Variants in UNC5C observed in about 807,000 individuals in gnomAD.
UNC5C encodes the protein netrin receptor UNC5C.
A neutral mutation model predicts 99.8 loss-of-function variants in UNC5C; 47 were observed. The observed-to-expected ratio is 0.47, with a 90% confidence interval of 0.37 to 0.60. UNC5C has a LOEUF of 0.60. UNC5C is among the 20% of genes least tolerant of loss of function. UNC5C has a pLI of 0.00. For missense variants in UNC5C, 1,062 were observed against 1,165.9 expected, an observed-to-expected ratio of 0.91 and a Z score of 1.30; for synonymous variants, 487 against 452.2, an observed-to-expected ratio of 1.08 and a Z score of -0.98.
At chr4:95,483,253 C>T (rs2149478771) in intron 1 of UNC5C, among the ~76,000 whole-genome samples, 1 of 151,802 alleles carries the variant, frequency 6.6e-6, no homozygotes, top group South Asian at 2.1e-4. Context: ...CCTTCTTTGA[C>T]AGTTCACCTC....
chr4:95,398,676 C>G (rs1745596719), intron 1 of UNC5C, among the ~76,000 whole-genome samples: 1 of 152,098 alleles, frequency 6.6e-6, no homozygotes. Flanking sequence ...GTCTAGAAGA[C>G]AATAGGGCAT....
At chr4:95,545,203 A>G (rs1723025754) in intron 1 of UNC5C, among the ~76,000 whole-genome samples, 1 of 152,188 alleles carries the variant, frequency 6.6e-6, no homozygotes, top group Non-Finnish European at 1.5e-5. Flanking sequence ...CTTTACCCTC[A>G]GTATCCAGAA....
At chr4:95,330,847 A>C (rs953068832) in intron 2 of UNC5C, among the ~76,000 whole-genome samples, 6 of 152,020 alleles carry the variant, frequency 3.9e-5, no homozygotes, top group Non-Finnish European at 7.4e-5. Flanking sequence ...TATGGGATAT[A>C]AGTATAATTT....
At chr4:95,433,010 C>G (rs4428296) in intron 1 of UNC5C, among the ~76,000 whole-genome samples, 4 of 151,916 alleles carry the variant, frequency 2.6e-5, no homozygotes, top group African/African-American at 9.7e-5. Flanking sequence ...ATGTCAGTTA[C>G]GTCAACCACA....
chr4:95,419,510 C>T (rs1746260073), intron 1 of UNC5C, among the ~76,000 whole-genome samples: 1 of 152,134 alleles, frequency 6.6e-6, no homozygotes, highest in Admixed American at 6.5e-5. Context: ...ATTGTGTTCC[C>T]TCCAACTTCA....
intron 2 of UNC5C, among the ~76,000 whole-genome samples, chr4:95,323,760 A>C (rs755486269): frequency 6.6e-6 from 1 of 152,174 alleles, no homozygotes; most frequent in Non-Finnish European, 1.5e-5. Flanking sequence ...TTTTCGGGTC[A>C]GGTGCGGTGG....
rs1579269134 is a variant in UNC5C at position 95,252,647 on chromosome 4, A to G, written c.595-1980T>C. ...ATTGACACTATTATAAATGGAGCAT[A>G]CCTAATCCAAAAATCTGGAATCTGA... On this transcript the variant is annotated intron_variant, in intron 4 of 15. Coordinates refer to ENST00000453304, the MANE Select transcript of UNC5C (RefSeq NM_003728.4). 3.3e-5 allele frequency among the ~76,000 whole-genome samples: 5 copies of G among 152,214 alleles called. No homozygotes were observed. The South Asian group carries it at 1.0e-3, about 31-fold the overall frequency.
chr4:95,467,822 T>G (rs560783171), intron 1 of UNC5C, among the ~76,000 whole-genome samples: 1 of 152,316 alleles, frequency 6.6e-6, no homozygotes, highest in South Asian at 2.1e-4. Flanking sequence ...AATTAACACA[T>G]ATATTGTATG....
intron 1 of UNC5C, among the ~76,000 whole-genome samples, chr4:95,418,921 C>T (rs182572120): frequency 1.9e-3 from 288 of 152,202 alleles, no homozygotes; most frequent in African/African-American, 6.6e-3. Flanking sequence ...CCTCCTGCCC[C>T]GACTTCAGAA....
chr4:95,176,963 C>T (rs9992708), intron 14 of UNC5C, among the ~76,000 whole-genome samples: 2,979 of 124,108 alleles, frequency 0.024, 106 homozygotes, highest in African/African-American at 0.075. Flanking sequence ...TTTTTAAGCC[C>T]GTGGGAAAAG....
chr4:95,342,715 A>G (rs1003657341), intron 1 of UNC5C, among the ~76,000 whole-genome samples: 1 of 152,020 alleles, frequency 6.6e-6, no homozygotes, highest in African/African-American at 2.4e-5. Context: ...AGAGCACCAC[A>G]TGAATCCCTT....
rs543788305 is a variant in UNC5C at position 95,450,285 on chromosome 4, T to C, written c.124+98449A>G. ...AGAGTGCAGTAGCACAATCATAGGT[T>C]CATAGCTCACTGAGGCCTCAAGCTC... On this transcript the variant is annotated intron_variant, in intron 1 of 15. Transcript: ENST00000453304. Among the ~76,000 whole-genome samples, 13 of 152,284 alleles carry C rather than the reference T, an allele frequency of 8.5e-5. No homozygotes were observed. In the South Asian group the frequency reaches 2.7e-3, roughly 32 times the overall value.
At chr4:95,522,737 A>G (rs1180785716) in intron 1 of UNC5C, among the ~76,000 whole-genome samples, 1 of 152,152 alleles carries the variant, frequency 6.6e-6, no homozygotes. Flanking sequence ...AATCATTACA[A>G]TATTTTAATC....
At chr4:95,372,131 A>G (rs1744766476) in intron 1 of UNC5C, among the ~76,000 whole-genome samples, 1 of 152,124 alleles carries the variant, frequency 6.6e-6, no homozygotes, top group Non-Finnish European at 1.5e-5. Flanking sequence ...GAGCTTCCTA[A>G]GAGGAATTGC....
intron 1 of UNC5C, among the ~76,000 whole-genome samples, chr4:95,486,621 A>C (rs6834411): frequency 6.6e-6 from 1 of 151,346 alleles, no homozygotes; most frequent in Non-Finnish European, 1.5e-5. Flanking sequence ...AACTGCTACC[A>C]GAGTTATTAT....
rs1332255563 is a variant in UNC5C at position 95,164,930 on chromosome 4, GCCCCATAGGGGC to G, written c.*4292_*4303del. On this transcript the variant is annotated 3_prime_UTR_variant, in exon 16 of 16. Transcript: ENST00000453304. Reference sequence around the variant, plus strand: ...CCTTATATAGGTTTATATTTTCCTGGCCCCATAGGGGCAGACCTTATAGAGGCAAAGACCTTT... The same window carrying G: ...CCTTATATAGGTTTATATTTTCCTGGAGACCTTATAGAGGCAAAGACCTTT... The G allele has an allele frequency of 6.6e-6, 1 of 152,182 alleles. No individual in the cohort carries two copies. The highest frequency in any genetic ancestry group is 2.4e-5 in the African/African-American group (1 of 41,436). The allele number at this position is 152,182 out of a possible 1,614,324, so 9.4% of individuals were successfully genotyped here.
At chr4:95,394,849 C>G (rs994728356) in intron 1 of UNC5C, among the ~76,000 whole-genome samples, 15 of 151,946 alleles carry the variant, frequency 9.9e-5, no homozygotes, top group African/African-American at 3.6e-4. Context: ...AATAACTTCA[C>G]TCTCCTCTAT....
At chr4:95,466,585 C>CATTA (rs929116069) in intron 1 of UNC5C, among the ~76,000 whole-genome samples, 6 of 151,852 alleles carry the variant, frequency 4.0e-5, no homozygotes, top group East Asian at 1.9e-4. Context: ...CATTTGAAGA[C>CATTA]ATTAATTAAT....
At position 95,548,873 on chromosome 4, in the gene UNC5C, G is replaced by T. The variant is rs1723153153; in HGVS notation, c.-16C>A. ...CTTTCCTCATCGTAGACAGAGGTGTGCCGGGGGGAGGGGAGGGGGACAGAG... is the reference window on the plus strand; with the variant it reads ...CTTTCCTCATCGTAGACAGAGGTGTTCCGGGGGGAGGGGAGGGGGACAGAG... On this transcript the variant is annotated 5_prime_UTR_variant, in exon 1 of 16. Coordinates refer to ENST00000453304, the MANE Select transcript of UNC5C (RefSeq NM_003728.4). The T allele has an allele frequency of 6.2e-7, 1 of 1,611,916 alleles. No homozygotes were observed. Among genetic ancestry groups the T allele is most frequent in the Non-Finnish European group, 8.5e-7 (1 of 1,179,462 alleles).
Sources: allele counts gnomAD v4.1 joint callset (sites outside exome capture counted in the v4.1 genomes callset), GRCh38; gene constraint gnomAD v4.1.1; transcripts MANE v1.5; gene names NCBI Gene and HGNC (gene_info 2026-07-23, HGNC 2026-07-21).